The following ITGB8 variants were observed in gnomAD, a reference collection of about 807,000 sequenced individuals.
ITGB8 encodes the protein integrin subunit beta 8.
Under a neutral mutation model 89.5 loss-of-function variants are expected in ITGB8, and 30 were observed. The observed-to-expected ratio is 0.34, with a 90% CI of 0.25 to 0.45. The LOEUF (loss-of-function observed/expected upper bound fraction) is 0.45, where lower values mean the gene tolerates loss of function less well. Among genes scored for constraint, ITGB8 ranks in the 20% least tolerant of loss-of-function variants. The pLI, the probability that ITGB8 is intolerant of heterozygous loss-of-function variation, is 1.00. For missense variants in ITGB8, 836 were observed against 933.3 expected, an observed-to-expected ratio of 0.90 and a Z score of 1.36; for synonymous variants, 335 against 320.4, an observed-to-expected ratio of 1.05 and a Z score of -0.49.
intron 12 of ITGB8, among the ~76,000 whole-genome samples, chr7:20,407,032 A>G (rs1451250719): frequency 1.3e-5 from 2 of 152,226 alleles, no homozygotes; most frequent in Non-Finnish European, 2.9e-5. Flanking sequence ...GTTCAGAACT[A>G]GAAGCAAGTT....
chr7:20,413,265 C>T lies in ITGB8; in HGVS notation c.*3268C>T, dbSNP rs1423971304. 1 of 152,346 alleles carries T rather than the reference C, an allele frequency of 6.6e-6. No individual in the cohort carries two copies. Among genetic ancestry groups the T allele is most frequent in the African/African-American group, 2.4e-5 (1 of 41,382 alleles). The allele number at this position is 152,346 out of a possible 1,614,324, so 9.4% of individuals were successfully genotyped here. A position where few individuals can be genotyped will look rare whatever the true frequency, so the allele number is the denominator to read the frequency against. On this transcript the variant is annotated 3_prime_UTR_variant, in exon 14 of 14. Transcript: ENST00000222573. ...TAAAAAAAAAATCTAAGATTAAACA[C>T]AGTAGATATCTCTGGAGGCAATTTT...
chr7:20,386,380 A>G (rs1786619812), intron 6 of ITGB8, among the ~76,000 whole-genome samples: 1 of 147,406 alleles, frequency 6.8e-6, no homozygotes, highest in South Asian at 2.2e-4. Context: ...CTGGGACTAC[A>G]GGCGCGTGCC....
At chr7:20,375,812 A>T (rs931768249) in intron 3 of ITGB8, among the ~76,000 whole-genome samples, 5 of 147,770 alleles carry the variant, frequency 3.4e-5, no homozygotes, top group African/African-American at 1.3e-4. Context: ...TTTAATCTTT[A>T]TATAACAAAT....
intron 1 of ITGB8, among the ~76,000 whole-genome samples, chr7:20,353,813 T>C (rs978736140): frequency 1.3e-5 from 2 of 149,904 alleles, no homozygotes; most frequent in African/African-American, 2.5e-5. Flanking sequence ...GCGCCTGTAG[T>C]CCCAGCTACA....
intron 6 of ITGB8, among the ~76,000 whole-genome samples, chr7:20,389,607 A>G (rs548775732): frequency 6.6e-6 from 1 of 152,336 alleles, no homozygotes; most frequent in South Asian, 2.1e-4. Flanking sequence ...GTTTCCAAAA[A>G]TTAAGAAGGG....
intron 1 of ITGB8, among the ~76,000 whole-genome samples, chr7:20,360,756 G>A (rs1434413489): frequency 6.6e-6 from 1 of 151,878 alleles, no homozygotes; most frequent in South Asian, 2.1e-4. Context: ...CCACTGATGG[G>A]CACTTAGATT....
chr7:20,369,624 G>A lies in ITGB8; in HGVS notation c.388+2438G>A, dbSNP rs150943842. On this transcript the variant is annotated intron_variant, in intron 3 of 13. Coordinates refer to ENST00000222573, the MANE Select transcript of ITGB8 (RefSeq NM_002214.3). ...TAGGGCTCCAACATATGAATTTTTC[G>A]GAACACAATTCAGTCGATAGCATTT... Among the ~76,000 whole-genome samples the A allele has an allele frequency of 3.4e-3, 518 of 152,058 alleles. 2 individuals carry two copies. Among genetic ancestry groups the A allele is most frequent in the African/African-American group, 0.011 (470 of 41,482 alleles).
At chr7:20,343,599 G>A (rs960380910) in intron 1 of ITGB8, among the ~76,000 whole-genome samples, 1 of 152,180 alleles carries the variant, frequency 6.6e-6, no homozygotes, top group Non-Finnish European at 1.5e-5. Flanking sequence ...TCAGGATGGA[G>A]AAGCCATCAA....
chr7:20,406,017 A>T, intron 11 of ITGB8, 45 bp from the exon 12 acceptor site: 1 of 1,130,188 alleles, frequency 8.8e-7, no homozygotes, highest in African/African-American at 1.5e-5. Context: ...ATAGTCCACC[A>T]CCTTTTTAAA....
In ITGB8 at chr7:20,346,486, A is replaced by T. The variant is rs569637651; in HGVS notation, c.127+14553A>T. 21 of 153,098 alleles carry T rather than the reference A, an allele frequency of 1.4e-4. No individual in the cohort carries two copies. The Admixed American group carries it at 1.4e-3, about 10-fold the overall frequency. 9.5% of individuals were successfully genotyped at this position (153,098 alleles called of 1,614,324 possible). On this transcript the variant is annotated intron_variant, in intron 1 of 13. Coordinates refer to ENST00000222573, the MANE Select transcript of ITGB8 (RefSeq NM_002214.3). ...CTTCTTGTAGAAACTGGTGCAATAA[A>T]CAGGGATAAGTGAGATTAGTCTTTG...
At position 20,404,612 on chromosome 7, in the gene ITGB8, G is replaced by T. The variant is rs886175430; in HGVS notation, c.1688-16G>T. ...GTGATCCAGATAACATAGGTCCTGC[G>T]GTGTCTTCCTCACAGGGCATGGAGA... On this transcript the variant is annotated splice_polypyrimidine_tract_variant and intron_variant, in intron 10 of 13. Transcript: ENST00000222573. The T allele has an allele frequency of 6.2e-7, 1 of 1,606,324 alleles. No homozygotes were observed. The highest frequency in any genetic ancestry group is 1.3e-5 in the African/African-American group (1 of 74,820).
chr7:20,410,046 C>T lies in ITGB8; in HGVS notation c.*49C>T. On this transcript the variant is annotated 3_prime_UTR_variant, in exon 14 of 14. Coordinates refer to ENST00000222573, the MANE Select transcript of ITGB8 (RefSeq NM_002214.3). ...GGGAAACTGGAATTGTTAATAATTG[C>T]TCCTAAAGATTATAATTTTAAAAGT... The T allele has an allele frequency of 6.4e-7, 1 of 1,556,670 alleles. No individual in the cohort carries two copies. Among genetic ancestry groups the T allele is most frequent in the Non-Finnish European group, 8.7e-7 (1 of 1,145,240 alleles).
At chr7:20,341,946 A>T (rs3807929) in intron 1 of ITGB8, among the ~76,000 whole-genome samples, 79,534 of 151,704 alleles carry the variant, frequency 0.52, 21,597 homozygotes, top group South Asian at 0.7. Context: ...GGGGTAGAAA[A>T]GTTGGGTCAG....
At chr7:20,335,101 A>T (rs1000388035) in intron 1 of ITGB8, among the ~76,000 whole-genome samples, 6 of 152,154 alleles carry the variant, frequency 3.9e-5, no homozygotes, top group African/African-American at 1.4e-4. Context: ...CCTTCTCCCA[A>T]CTAAATATTT....
At chr7:20,390,697 T>C (rs947628059) in intron 6 of ITGB8, among the ~76,000 whole-genome samples, 3 of 152,128 alleles carry the variant, frequency 2.0e-5, no homozygotes, top group Non-Finnish European at 2.9e-5. Flanking sequence ...TTTTGATCAC[T>C]TACTGCATGC....
At chr7:20,337,512 T>C (rs1486056992) in intron 1 of ITGB8, among the ~76,000 whole-genome samples, 1 of 152,228 alleles carries the variant, frequency 6.6e-6, no homozygotes, top group Non-Finnish European at 1.5e-5. Flanking sequence ...GACACATTAT[T>C]TGAAAATATA....
intron 3 of ITGB8, among the ~76,000 whole-genome samples, chr7:20,368,325 C>CT (rs1367803232): frequency 6.6e-6 from 1 of 152,108 alleles, no homozygotes; most frequent in African/African-American, 2.4e-5. Context: ...TAAATAAATT[C>CT]TTTTTTAGAA....
chr7:20,379,026 T>G, intron 3 of ITGB8, 25 bp from the exon 4 acceptor site: 1 of 1,546,278 alleles, frequency 6.5e-7, no homozygotes. Context: ...GAAGACTACA[T>G]GATGTTTTTC....
At chr7:20,343,589 T>C (rs1157853351) in intron 1 of ITGB8, among the ~76,000 whole-genome samples, 1 of 152,170 alleles carries the variant, frequency 6.6e-6, no homozygotes, top group African/African-American at 2.4e-5. Flanking sequence ...AAAAAAAAAT[T>C]CAGGATGGAG....
Sources: gnomAD v4.1 joint callset for allele counts (sites outside exome capture counted in the v4.1 genomes callset) on GRCh38, gnomAD v4.1.1 for gene constraint, MANE v1.5 for transcripts, NCBI Gene and HGNC (gene_info 2026-07-23, HGNC 2026-07-21) for gene names.